The following SEPTIN9 variants were observed in gnomAD, a reference collection of about 807,000 sequenced individuals.
The protein encoded by SEPTIN9 is septin-9.
A neutral mutation model predicts 56.6 loss-of-function variants in SEPTIN9; 13 were observed. The observed-to-expected ratio is 0.23, with a 90% confidence interval of 0.15 to 0.37. The LOEUF (loss-of-function observed/expected upper bound fraction) is 0.37. Ranked by LOEUF, SEPTIN9 falls within the 10% of genes least tolerant of loss-of-function variation. The pLI is 1.00. For missense variants in SEPTIN9, 650 were observed against 823.1 expected (o/e 0.79, Z 2.57); for synonymous variants, 332 against 334.1 (o/e 0.99, Z 0.07).
rs931867663 is a variant in SEPTIN9 at position 77,355,483 on chromosome 17, T to C, written c.77-46576T>C. Among the ~76,000 whole-genome samples the C allele has an allele frequency of 3.9e-5, 6 of 152,168 alleles. No homozygotes were observed. The South Asian group carries it at 1.0e-3, about 26-fold the overall frequency. On this transcript the variant is annotated intron_variant, in intron 2 of 11. Coordinates refer to ENST00000427177, the MANE Select transcript of SEPTIN9 (RefSeq NM_001113491.2). ...CCTGCACATTAGCCCACACTCTCTT[T>C]GTGGCCCACTGCTGTGGCTGTTCCC...
chr17:77,494,921 G>T (rs554146102), intron 10 of SEPTIN9, among the ~76,000 whole-genome samples: 1 of 152,356 alleles, frequency 6.6e-6, no homozygotes, highest in African/African-American at 2.4e-5. Context: ...TGCAGCCTGG[G>T]TGTTTTCCAG....
intron 2 of SEPTIN9, among the ~76,000 whole-genome samples, chr17:77,355,916 A>G (rs2034218810): frequency 6.7e-6 from 1 of 148,160 alleles, no homozygotes; most frequent in Non-Finnish European, 1.5e-5. Context: ...CAGGAGGCGG[A>G]GCTTGCAGTG....
intron 1 of SEPTIN9, among the ~76,000 whole-genome samples, chr17:77,300,447 T>C (rs2031988705): frequency 6.6e-6 from 1 of 152,160 alleles, no homozygotes; most frequent in South Asian, 2.1e-4. Flanking sequence ...GTGCCCAGTG[T>C]ACCTCTTCAG....
chr17:77,498,745 T>G lies in SEPTIN9; in HGVS notation c.*87T>G. Reference sequence around the variant, plus strand: ...TCCCACCACCCCATTTTATTTTATATGATTTTCTCCATTTGTCATCGTTCC... The same window carrying G: ...TCCCACCACCCCATTTTATTTTATAGGATTTTCTCCATTTGTCATCGTTCC... On this transcript the variant is annotated 3_prime_UTR_variant, in exon 12 of 12. Coordinates refer to ENST00000427177, the MANE Select transcript of SEPTIN9 (RefSeq NM_001113491.2). 1 of 761,298 alleles carries G rather than the reference T, an allele frequency of 1.3e-6. No individual in the cohort carries two copies. The highest frequency in any genetic ancestry group is 2.1e-6 in the Non-Finnish European group (1 of 467,490). 47.2% of individuals were successfully genotyped at this position (761,298 alleles called of 1,614,324 possible).
Position 77,499,265 on chromosome 17 carries a change from G to A in SEPTIN9, c.*607G>A, listed in dbSNP as rs777454438. 2 of 597,200 alleles carry A rather than the reference G, an allele frequency of 3.3e-6. No homozygotes were observed. The highest frequency in any genetic ancestry group is 6.8e-5 in the East Asian group (2 of 29,620). The allele number at this position is 597,200 out of a possible 1,614,324, so 37.0% of individuals were successfully genotyped here. On this transcript the variant is annotated 3_prime_UTR_variant, in exon 12 of 12. Coordinates refer to ENST00000427177, the MANE Select transcript of SEPTIN9 (RefSeq NM_001113491.2). ...AGCCACTCCAAGCCCCCTGGCAGCT[G>A]CCCCTCCTGGAGCAGAAAGTGCCTT...
chr17:77,451,396 C>G lies in SEPTIN9; in HGVS notation c.722-30748C>G. 1 of 985,782 alleles carries G rather than the reference C, an allele frequency of 1.0e-6. No individual in the cohort carries two copies. The highest frequency in any genetic ancestry group is 1.2e-6 in the Non-Finnish European group (1 of 830,140). The allele number at this position is 985,782 out of a possible 1,614,324, so 61.1% of individuals were successfully genotyped here. A position where few individuals can be genotyped will look rare whatever the true frequency, so the allele number is the denominator to read the frequency against. On this transcript the variant is annotated intron_variant, in intron 3 of 11. Transcript: ENST00000427177. This position sits in a 1 kb window ranked among gnomAD's most constrained non-coding sequence, Gnocchi z 4.2. ...TCGAGGTCCCTCCCTACCTCTGCCCCGCGCTCTGGGAGGCTCCTTGTTCCG... is the reference window on the plus strand; with the variant it reads ...TCGAGGTCCCTCCCTACCTCTGCCCGGCGCTCTGGGAGGCTCCTTGTTCCG...
At chr17:77,363,485 T>TCAAGCAATCCTCCTGCCTC (rs1399206972) in intron 2 of SEPTIN9, among the ~76,000 whole-genome samples, 1 of 149,526 alleles carries the variant, frequency 6.7e-6, no homozygotes, top group Non-Finnish European at 1.5e-5. Flanking sequence ...CCTCCTGCGT[T>TCAAGCAATCCTCCTGCCTC]CAAGCAATCC....
intron 2 of SEPTIN9, among the ~76,000 whole-genome samples, chr17:77,314,806 C>T (rs1171759518): frequency 5.9e-5 from 9 of 152,220 alleles, no homozygotes; most frequent in Non-Finnish European, 4.4e-5. Flanking sequence ...CCCAGGGCCT[C>T]CTGGCCTGGT....
chr17:77,452,119 G>A (rs1482010306), intron 3 of SEPTIN9, among the ~76,000 whole-genome samples: 1 of 152,216 alleles, frequency 6.6e-6, no homozygotes, highest in Admixed American at 6.5e-5. Context: ...GGCGTTCCTG[G>A]GAGGAGCGGG....
chr17:77,371,094 G>A lies in SEPTIN9; in HGVS notation c.77-30965G>A, dbSNP rs1289287406. 6.6e-6 allele frequency among the ~76,000 whole-genome samples: 1 copy of A among 152,210 alleles called. No individual in the cohort carries two copies. Among genetic ancestry groups the A allele is most frequent in the East Asian group, 1.9e-4 (1 of 5,198 alleles). ...ATACGAGGGTGAACTTCCTGGCTGG[G>A]AGTATGGCCAAGCCCTGATTTGGGT... On this transcript the variant is annotated intron_variant, in intron 2 of 11. Coordinates refer to ENST00000427177, the MANE Select transcript of SEPTIN9 (RefSeq NM_001113491.2). This position sits in a 1 kb window ranked among gnomAD's most constrained non-coding sequence, Gnocchi z 4.1.
At chr17:77,312,590 G>A (rs547447585) in intron 2 of SEPTIN9, among the ~76,000 whole-genome samples, 155 of 152,278 alleles carry the variant, frequency 1.0e-3, no homozygotes, top group African/African-American at 3.6e-3. Flanking sequence ...CCAGAGCCAC[G>A]GCGGGATGCT....
At chr17:77,338,500 C>T (rs1302653360) in intron 2 of SEPTIN9, among the ~76,000 whole-genome samples, 1 of 152,082 alleles carries the variant, frequency 6.6e-6, no homozygotes, top group Non-Finnish European at 1.5e-5. Context: ...CTCACTGCAA[C>T]CTCTGCCTCC....
At chr17:77,423,972 C>A (rs934225535) in intron 3 of SEPTIN9, among the ~76,000 whole-genome samples, 11 of 145,586 alleles carry the variant, frequency 7.6e-5, no homozygotes, top group Non-Finnish European at 1.7e-4. Context: ...CAGGGCATGT[C>A]GCTGGGAGCC....
Position 77,445,766 on chromosome 17 carries a change from C to T in SEPTIN9, c.722-36378C>T, listed in dbSNP as rs1321618576. 5 of 257,986 alleles carry T rather than the reference C, an allele frequency of 1.9e-5. No homozygotes were observed. The highest frequency in any genetic ancestry group is 5.2e-5 in the Admixed American group (1 of 19,328). 16.0% of individuals were successfully genotyped at this position (257,986 alleles called of 1,614,324 possible). ...GGGACCTTGCTGTGGGATAGGCTGG[C>T]CAATGGTGCTCCCTCCCCTGTGACC... On this transcript the variant is annotated intron_variant, in intron 3 of 11. Transcript: ENST00000427177. The surrounding 1 kb of genome is among the most constrained non-coding windows in gnomAD (Gnocchi z 4.7).
In SEPTIN9 at chr17:77,329,935, C is replaced by T. The variant is rs1567996974; in HGVS notation, c.76+22738C>T. The stretch of plus-strand genomic sequence containing the variant: ...TCTCCAGACTTGGGGTGGCTTCGGA[C>T]TGGCCAGGCAGGTGGGTGGGGGCTG... On this transcript the variant is annotated intron_variant, in intron 2 of 11. Coordinates refer to ENST00000427177, the MANE Select transcript of SEPTIN9 (RefSeq NM_001113491.2). The surrounding 1 kb of genome is among the most constrained non-coding windows in gnomAD (Gnocchi z 4.3). 6.6e-6 allele frequency among the ~76,000 whole-genome samples: 1 copy of T among 152,186 alleles called. No individual in the cohort carries two copies. Among genetic ancestry groups the T allele is most frequent in the Non-Finnish European group, 1.5e-5 (1 of 68,034 alleles).
intron 1 of SEPTIN9, 191 bp downstream of exon 1, chr17:77,281,745 C>T: frequency 1.8e-6 from 1 of 547,780 alleles, no homozygotes; most frequent in East Asian, 3.5e-5. Flanking sequence ...CGACCGTCCC[C>T]TGCGCTGTCT....
chr17:77,299,744 C>G (rs752412780), intron 1 of SEPTIN9, among the ~76,000 whole-genome samples: 1 of 152,242 alleles, frequency 6.6e-6, no homozygotes, highest in Admixed American at 6.5e-5. Flanking sequence ...GCAGGGCCAT[C>G]TGGCAAGGTG....
intron 2 of SEPTIN9, among the ~76,000 whole-genome samples, chr17:77,331,251 A>T (rs920131): frequency 0.13 from 20,011 of 152,196 alleles, 1,712 homozygotes; most frequent in South Asian, 0.23. Context: ...TGACTTCAGC[A>T]TGTTTATAAA....
rs750149821 is a variant in SEPTIN9 at position 77,475,485 on chromosome 17, G to A, written c.722-6659G>A. 39 of 1,594,622 alleles carry A rather than the reference G, an allele frequency of 2.4e-5. No homozygotes were observed. The highest frequency in any genetic ancestry group is 1.8e-4 in the South Asian group (16 of 89,078). ...GAAGCCCCTTTGTGGGGGACAGGGAGCATCTGTTAGTTTATAGGACCTGAA... is the reference window on the plus strand; with the variant it reads ...GAAGCCCCTTTGTGGGGGACAGGGAACATCTGTTAGTTTATAGGACCTGAA... On this transcript the variant is annotated intron_variant, in intron 3 of 11. Coordinates refer to ENST00000427177, the MANE Select transcript of SEPTIN9 (RefSeq NM_001113491.2). This position sits in a 1 kb window ranked among gnomAD's most constrained non-coding sequence, Gnocchi z 4.6.
Sources: allele counts gnomAD v4.1 joint callset (sites outside exome capture counted in the v4.1 genomes callset), GRCh38; gene constraint gnomAD v4.1.1; non-coding constraint Gnocchi (gnomAD v3.1); transcripts MANE v1.5; gene names NCBI Gene and HGNC (gene_info 2026-07-23, HGNC 2026-07-21).